The following NTRK3 variants were observed in gnomAD, a reference collection of about 807,000 sequenced individuals.
NTRK3 encodes the protein NT-3 growth factor receptor.
A neutral mutation model predicts 91.7 loss-of-function variants in NTRK3; 24 were observed. The observed-to-expected ratio is 0.26, with a 90% confidence interval of 0.19 to 0.37. The LOEUF (loss-of-function observed/expected upper bound fraction) is 0.37. Ranked by LOEUF, NTRK3 falls within the 10% of genes least tolerant of loss-of-function variation. The probability of loss-of-function intolerance (pLI) is 1.00; values close to 1 mark genes in which losing one functional copy is unlikely to be tolerated. For synonymous variants in NTRK3, 483 were observed against 404.0 expected (o/e 1.20, Z -2.34); for missense variants, 880 against 1,068.9 (o/e 0.82, Z 2.46).
chr15:87,947,140 A>G (rs2070629034), intron 14 of NTRK3, among the ~76,000 whole-genome samples: 1 of 151,894 alleles, frequency 6.6e-6, no homozygotes. Context: ...CAGCCTCCCA[A>G]AGTGCTAGGA....
At chr15:88,213,205 G>A (rs182720243) in intron 3 of NTRK3, among the ~76,000 whole-genome samples, 10 of 152,126 alleles carry the variant, frequency 6.6e-5, no homozygotes, top group Admixed American at 6.5e-4. Context: ...CTGATGTTGG[G>A]GTGAGCCATC....
At chr15:88,141,983 C>T (rs1199303372) in intron 6 of NTRK3, among the ~76,000 whole-genome samples, 1 of 152,216 alleles carries the variant, frequency 6.6e-6, no homozygotes, top group African/African-American at 2.4e-5. Context: ...TTCCCCCCAT[C>T]CTTCTGGACT....
chr15:87,917,370 T>C (rs746062407), intron 17 of NTRK3, among the ~76,000 whole-genome samples: 3 of 152,186 alleles, frequency 2.0e-5, no homozygotes, highest in Non-Finnish European at 4.4e-5. Context: ...AAACCATCTG[T>C]CTGGGATGAT....
chr15:87,897,162 T>C (rs1211433860), intron 17 of NTRK3, among the ~76,000 whole-genome samples: 1 of 152,182 alleles, frequency 6.6e-6, no homozygotes. Context: ...TTTAGCAGTG[T>C]GAGCCTAGAG....
At chr15:87,903,286 G>C (rs1008470379) in intron 17 of NTRK3, among the ~76,000 whole-genome samples, 2 of 152,230 alleles carry the variant, frequency 1.3e-5, no homozygotes, top group Admixed American at 1.3e-4. Context: ...CAAAAGAATT[G>C]CGGAAGCAAA....
At chr15:88,044,105 C>A (rs2142176304) in intron 13 of NTRK3, among the ~76,000 whole-genome samples, 1 of 152,206 alleles carries the variant, frequency 6.6e-6, no homozygotes, top group East Asian at 1.9e-4. Flanking sequence ...TGGCACTGTA[C>A]TGGGCTCTGT....
At chr15:87,886,570 C>T (rs1345370821) in intron 17 of NTRK3, among the ~76,000 whole-genome samples, 1 of 150,238 alleles carries the variant, frequency 6.7e-6, no homozygotes, top group East Asian at 1.9e-4. Context: ...TATAGTGATA[C>T]CATGTAACCT....
exon 6 of NTRK3, chr15:88,147,385 C>T (rs2151313624): frequency 1.2e-6 from 2 of 1,613,782 alleles, no homozygotes; most frequent in Non-Finnish European, 1.7e-6. Context: ...GTGTGGTGAG[C>T]CGGTTACTTG....
chr15:88,148,780 G>C (rs910044870), intron 5 of NTRK3, among the ~76,000 whole-genome samples: 1 of 152,168 alleles, frequency 6.6e-6, no homozygotes, highest in South Asian at 2.1e-4. Flanking sequence ...AAGTTGGCAG[G>C]CCAGCTAGGA....
rs895153596 is a variant in NTRK3, at chr15:88,233,747, C to G, written c.248+22159G>C. Reference sequence around the variant, plus strand: ...CCTTACTCTCCCTTCCTTCCCTGCCCCCTTCCTCCCTACACCTTGCTCCTC... The same window carrying G: ...CCTTACTCTCCCTTCCTTCCCTGCCGCCTTCCTCCCTACACCTTGCTCCTC... On this transcript the variant is annotated intron_variant, in intron 3 of 18. Transcript: ENST00000394480. The surrounding 1 kb of genome is among the most constrained non-coding windows in gnomAD (Gnocchi z 4.2). Among the ~76,000 whole-genome samples the G allele has an allele frequency of 6.6e-6, 1 of 151,960 alleles. No homozygotes were observed. The highest frequency in any genetic ancestry group is 1.5e-5 in the Non-Finnish European group (1 of 68,010).
Position 87,933,678 on chromosome 15 carries a change from G to T in NTRK3, c.1717-494C>A, listed in dbSNP as rs938065631. Among the ~76,000 whole-genome samples, 4 of 152,236 alleles carry T rather than the reference G, an allele frequency of 2.6e-5. No homozygotes were observed. The East Asian group carries it at 7.7e-4, about 29-fold the overall frequency. Reference sequence around the variant, plus strand: ...ACACAATAAAATATCCTTGTCTTTTGGAGTCCTTGCTTTTAGATTGTGAAG... The same window carrying T: ...ACACAATAAAATATCCTTGTCTTTTTGAGTCCTTGCTTTTAGATTGTGAAG... On this transcript the variant is annotated intron_variant, in intron 15 of 18. Transcript: ENST00000394480.
At chr15:88,179,117 G>T (rs566402462) in intron 5 of NTRK3, among the ~76,000 whole-genome samples, 1 of 152,178 alleles carries the variant, frequency 6.6e-6, no homozygotes, top group Admixed American at 6.5e-5. Flanking sequence ...TTACTGTGGG[G>T]AGTAAGTGAG....
At chr15:88,156,273 C>T (rs1250401284) in intron 5 of NTRK3, among the ~76,000 whole-genome samples, 3 of 152,160 alleles carry the variant, frequency 2.0e-5, no homozygotes, top group East Asian at 3.8e-4. Context: ...TGAGCACTTG[C>T]CATGTGCTGA....
intron 3 of NTRK3, among the ~76,000 whole-genome samples, chr15:88,206,616 C>T (rs2048804781): frequency 6.7e-6 from 1 of 150,232 alleles, no homozygotes; most frequent in African/African-American, 2.4e-5. Flanking sequence ...CGAGATTGCG[C>T]CACTGCACTC....
At chr15:88,173,806 G>T (rs1050905825) in intron 5 of NTRK3, among the ~76,000 whole-genome samples, 3 of 152,240 alleles carry the variant, frequency 2.0e-5, no homozygotes, top group Non-Finnish European at 4.4e-5. Flanking sequence ...ATGGTAGAGT[G>T]GAGGCTCTGG....
chr15:88,147,598 A>G (rs2043007231), intron 5 of NTRK3, among the ~76,000 whole-genome samples, 195 bp from the exon 6 acceptor site: 1 of 151,804 alleles, frequency 6.6e-6, no homozygotes, highest in African/African-American at 2.4e-5. Context: ...CTGAGGGCAT[A>G]GATCAGGTTT....
rs538848641 is a variant in NTRK3 at position 87,965,780 on chromosome 15, T to G, written c.1586-25027A>C. Among the ~76,000 whole-genome samples the G allele has an allele frequency of 6.6e-5, 10 of 152,312 alleles. No individual in the cohort carries two copies. The South Asian group carries it at 1.9e-3, about 28-fold the overall frequency. The stretch of plus-strand genomic sequence containing the variant: ...CAGATCAATATCATGATTCAGTATT[T>G]TTAAGAACTCCATTAGGCTGAGCAA... On this transcript the variant is annotated intron_variant, in intron 14 of 18. Transcript: ENST00000394480.
intron 3 of NTRK3, among the ~76,000 whole-genome samples, chr15:88,246,832 T>C (rs757639683): frequency 2.6e-4 from 40 of 152,162 alleles, no homozygotes; most frequent in Non-Finnish European, 4.7e-4. Flanking sequence ...GGCGGAGAGA[T>C]GCCCCTCATA....
rs1281895833 is a variant in NTRK3 at position 87,918,438 on chromosome 15, T to C, written c.2133+10753A>G. Among the ~76,000 whole-genome samples, 3 of 152,308 alleles carry C rather than the reference T, an allele frequency of 2.0e-5. No homozygotes were observed. The East Asian group carries it at 5.8e-4, about 29-fold the overall frequency. On this transcript the variant is annotated intron_variant, in intron 17 of 18. Transcript: ENST00000394480. The stretch of plus-strand genomic sequence containing the variant: ...TTCGGCCAGTTGAATCACACACCGT[T>C]CTAGATCATTCTTCTGGTTTCCTTA...
Sources: allele counts gnomAD v4.1 joint callset (sites outside exome capture counted in the v4.1 genomes callset), GRCh38; gene constraint gnomAD v4.1.1; non-coding constraint Gnocchi (gnomAD v3.1); transcripts MANE v1.5; gene names NCBI Gene and HGNC (gene_info 2026-07-23, HGNC 2026-07-21).